PIP5K1B: variants seen among roughly 807,000 people sequenced by gnomAD.
PIP5K1B encodes phosphatidylinositol-4-phosphate 5-kinase type 1 beta, also known as phosphatidylinositol 4-phosphate 5-kinase type-1 beta.
A neutral mutation model predicts 67.0 loss-of-function variants in PIP5K1B; 42 were observed. That is an observed-to-expected ratio of 0.63 (90% confidence interval 0.49 to 0.81). The LOEUF (loss-of-function observed/expected upper bound fraction) is 0.81. Ranked by LOEUF, PIP5K1B falls within the 30% of genes least tolerant of loss-of-function variation. The probability of loss-of-function intolerance (pLI) is 0.00; values close to 1 mark genes in which losing one functional copy is unlikely to be tolerated. For missense variants in PIP5K1B, 459 were observed against 646.3 expected (o/e 0.71, Z 3.14); for synonymous variants, 214 against 231.4 (o/e 0.92, Z 0.68).
At chr9:68,912,697 A>G (rs1192520255) in intron 8 of PIP5K1B, among the ~76,000 whole-genome samples, 1 of 152,210 alleles carries the variant, frequency 6.6e-6, no homozygotes, top group East Asian at 1.9e-4. Flanking sequence ...GGGAGCCATG[A>G]GTCAAACCAG....
Position 68,821,098 on chromosome 9 carries a change from C to A in PIP5K1B, c.1-1517C>A, listed in dbSNP as rs138353030. ...TTCGAGACCAGCCTGGGCAGCATGGCAAAACCCTGTCTCTAACAAAATAAT... is the reference window on the plus strand; with the variant it reads ...TTCGAGACCAGCCTGGGCAGCATGGAAAAACCCTGTCTCTAACAAAATAAT... On this transcript the variant is annotated intron_variant, in intron 3 of 15. Transcript: ENST00000265382. 6.4e-3 allele frequency among the ~76,000 whole-genome samples: 977 copies of A among 152,148 alleles called. 10 individuals carry two copies. The highest frequency in any genetic ancestry group is 0.023 in the African/African-American group (941 of 41,522).
chr9:68,973,440 G>T (rs10117043), intron 14 of PIP5K1B, among the ~76,000 whole-genome samples: 33,409 of 152,106 alleles, frequency 0.22, 4,414 homozygotes, highest in East Asian at 0.53. Flanking sequence ...AAGCTTAAAT[G>T]GGACTCTGAA....
chr9:69,007,618 G>A (rs962261193), intron 15 of PIP5K1B, among the ~76,000 whole-genome samples: 1 of 152,182 alleles, frequency 6.6e-6, no homozygotes, highest in African/African-American at 2.4e-5. Context: ...AGCACTTTGG[G>A]AGGCCAAGGT....
At chr9:68,795,581 T>C (rs1832244740) in intron 2 of PIP5K1B, among the ~76,000 whole-genome samples, 1 of 152,194 alleles carries the variant, frequency 6.6e-6, no homozygotes, top group African/African-American at 2.4e-5. Flanking sequence ...TTGGAAAATA[T>C]GTGGAATGGT....
intron 4 of PIP5K1B, among the ~76,000 whole-genome samples, chr9:68,855,172 A>C (rs973765986): frequency 2.0e-5 from 3 of 152,130 alleles, no homozygotes; most frequent in African/African-American, 7.2e-5. Flanking sequence ...GACGGTTGTC[A>C]CCCCTTTCTT....
chr9:68,747,444 T>C (rs1426935333), intron 2 of PIP5K1B, among the ~76,000 whole-genome samples: 2 of 151,902 alleles, frequency 1.3e-5, no homozygotes, highest in Non-Finnish European at 2.9e-5. Flanking sequence ...GTCTTTTTGA[T>C]GAGTATCATT....
At chr9:68,796,096 A>G (rs879626754) in intron 2 of PIP5K1B, among the ~76,000 whole-genome samples, 4 of 152,198 alleles carry the variant, frequency 2.6e-5, no homozygotes, top group Non-Finnish European at 5.9e-5. Context: ...GGCTTTTTCT[A>G]TGTCTAAATA....
At chr9:68,960,314 T>C (rs1828645370) in intron 14 of PIP5K1B, among the ~76,000 whole-genome samples, 1 of 152,202 alleles carries the variant, frequency 6.6e-6, no homozygotes, top group Non-Finnish European at 1.5e-5. Context: ...AGTTTAAAGA[T>C]GTCTTTTTCT....
intron 4 of PIP5K1B, 66 bp from the exon 5 acceptor site, chr9:68,863,771 T>C: frequency 1.4e-6 from 2 of 1,417,844 alleles, no homozygotes; most frequent in Non-Finnish European, 9.8e-7. Context: ...CATGTTTTGT[T>C]GCCTGTACCA....
chr9:68,752,088 C>T (rs1186975012), intron 2 of PIP5K1B, among the ~76,000 whole-genome samples: 1 of 151,960 alleles, frequency 6.6e-6, no homozygotes, highest in Non-Finnish European at 1.5e-5. Context: ...TGCTTGTTTT[C>T]TCGTTTATAA....
At position 68,917,837 on chromosome 9, in the gene PIP5K1B, C is replaced by G. The variant is rs1587664153; in HGVS notation, c.983+78C>G. 2.8e-6 allele frequency: 3 copies of G among 1,054,188 alleles called. No homozygotes were observed. The East Asian group carries it at 7.1e-5, about 25-fold the overall frequency. The allele number at this position is 1,054,188 out of a possible 1,614,324, so 65.3% of individuals were successfully genotyped here. A position where few individuals can be genotyped will look rare whatever the true frequency, so the allele number is the denominator to read the frequency against. ...CTGGGTAATTATAGACAGTCACATT[C>G]ACCTTAGGGTGGGACTCTAGGAATT... On this transcript the variant is annotated intron_variant, in intron 9 of 15. Coordinates refer to ENST00000265382, the MANE Select transcript of PIP5K1B (RefSeq NM_003558.4).
rs150888496 is a variant in PIP5K1B, at chr9:68,859,412, C to T, written c.70-4425C>T. ...AATGCTTTAGAGGTTTTTCTAGTAT[C>T]CAGGCAACATATTGCCTCCACTTAG... On this transcript the variant is annotated intron_variant, in intron 4 of 15. Coordinates refer to ENST00000265382, the MANE Select transcript of PIP5K1B (RefSeq NM_003558.4). 2.6e-3 allele frequency among the ~76,000 whole-genome samples: 390 copies of T among 152,286 alleles called. 1 individual carries two copies. Among genetic ancestry groups the T allele is most frequent in the Middle Eastern group, 0.024 (7 of 294 alleles).
At chr9:68,887,261 A>C (rs921200967) in intron 6 of PIP5K1B, among the ~76,000 whole-genome samples, 4 of 152,224 alleles carry the variant, frequency 2.6e-5, no homozygotes, top group African/African-American at 9.6e-5. Context: ...TATAAACTTT[A>C]TGAGTGCCTG....
chr9:68,835,190 A>C (rs1834536610), intron 4 of PIP5K1B, among the ~76,000 whole-genome samples: 1 of 152,226 alleles, frequency 6.6e-6, no homozygotes, highest in Admixed American at 6.5e-5. Flanking sequence ...TTTAAAATCA[A>C]CTGTATCCCT....
chr9:68,768,121 G>A (rs897579499), intron 2 of PIP5K1B, among the ~76,000 whole-genome samples: 1 of 152,134 alleles, frequency 6.6e-6, no homozygotes, highest in African/African-American at 2.4e-5. Flanking sequence ...ATATTGGGGA[G>A]GAAGTTGCAA....
At chr9:69,000,894 C>CA (rs1830794764) in intron 15 of PIP5K1B, among the ~76,000 whole-genome samples, 1 of 144,538 alleles carries the variant, frequency 6.9e-6, no homozygotes, top group Non-Finnish European at 1.5e-5. Flanking sequence ...GGGAGCACAA[C>CA]TTTTTTTTTT....
intron 2 of PIP5K1B, 144 bp downstream of exon 2, chr9:68,742,801 G>A (rs1187393137): frequency 2.0e-5 from 3 of 152,222 alleles, no homozygotes; most frequent in African/African-American, 7.2e-5. Context: ...GGTGGCCTCA[G>A]GAGCCTGTAG....
At chr9:68,955,882 T>C (rs1828362246) in intron 14 of PIP5K1B, among the ~76,000 whole-genome samples, 1 of 152,240 alleles carries the variant, frequency 6.6e-6, no homozygotes, top group East Asian at 1.9e-4. Flanking sequence ...TGATGTGTAC[T>C]GTATGCAATG....
At chr9:68,876,432 G>A (rs977133179) in intron 5 of PIP5K1B, among the ~76,000 whole-genome samples, 7 of 152,172 alleles carry the variant, frequency 4.6e-5, no homozygotes, top group Non-Finnish European at 1.0e-4. Context: ...GGGGATAAAT[G>A]AATTTTCAGG....
Sources: gnomAD v4.1 joint callset for allele counts (sites outside exome capture counted in the v4.1 genomes callset) on GRCh38, gnomAD v4.1.1 for gene constraint, MANE v1.5 for transcripts, NCBI Gene and HGNC (gene_info 2026-07-23, HGNC 2026-07-21) for gene names.